DCTPP1: variants seen among roughly 807,000 people sequenced by gnomAD.
The protein encoded by DCTPP1 is dCTP pyrophosphatase 1, also known as XTP3-transactivated gene A protein.
Under a neutral mutation model 8.8 loss-of-function variants are expected in DCTPP1, and 8 were observed. The observed-to-expected ratio is 0.91, with a 90% CI of 0.54 to 1.64. The LOEUF is 1.64. Among genes scored for constraint, DCTPP1 ranks in the 40% most tolerant of loss-of-function variants. The pLI, the probability that DCTPP1 is intolerant of heterozygous loss-of-function variation, is 0.00. For missense variants in DCTPP1, 231 were observed against 230.4 expected, an observed-to-expected ratio of 1.00 and a Z score of -0.02; for synonymous variants, 85 against 92.1, an observed-to-expected ratio of 0.92 and a Z score of 0.44.
intron 2 of DCTPP1, among the ~76,000 whole-genome samples, chr16:30,427,750 C>T (rs980027145): frequency 2.0e-5 from 3 of 152,122 alleles, no homozygotes; most frequent in Admixed American, 1.3e-4. Context: ...CCCAGTGCTG[C>T]GGGATGGTGA....
intron 1 of DCTPP1, 50 bp from the exon 2 acceptor site, chr16:30,429,217 A>T (rs2050210943): frequency 6.2e-7 from 1 of 1,601,692 alleles, no homozygotes; most frequent in East Asian, 2.2e-5. Context: ...TTAGAGGGTG[A>T]TGCAGGGGCC....
rs184895596 is a variant in DCTPP1 at position 30,429,432 on chromosome 16, C to G, written c.102-265G>C. On this transcript the variant is annotated intron_variant, in intron 1 of 2. Coordinates refer to ENST00000319285, the MANE Select transcript of DCTPP1 (RefSeq NM_024096.2). ...ATTATTCCATCTCCTGCTGCTACTT[C>G]TGCAGTTTCCTCCACCTGGAATCGC... 1.8e-3 allele frequency: 795 copies of G among 442,966 alleles called. 1 individual carries two copies. The highest frequency in any genetic ancestry group is 2.5e-3 in the Non-Finnish European group (615 of 250,682). 27.4% of individuals were successfully genotyped at this position (442,966 alleles called of 1,614,324 possible).
At position 30,424,191 on chromosome 16, in the gene DCTPP1, C is replaced by T. The variant is rs1345211538; in HGVS notation, c.*42G>A. 2 of 1,602,948 alleles carry T rather than the reference C, an allele frequency of 1.2e-6. No homozygotes were observed. Among genetic ancestry groups the T allele is most frequent in the African/African-American group, 1.3e-5 (1 of 74,816 alleles). On this transcript the variant is annotated 3_prime_UTR_variant, in exon 3 of 3. Transcript: ENST00000319285. ...CTCCAGGGCCAGGCCACTCTCTGCT[C>T]TTCAGACACCACCCTGAGTTGCAAG...
At chr16:30,427,768 G>C (rs192178987) in intron 2 of DCTPP1, among the ~76,000 whole-genome samples, 2 of 152,324 alleles carry the variant, frequency 1.3e-5, no homozygotes, top group East Asian at 1.9e-4. Context: ...TGAGGCAAGT[G>C]AATCACTTGA....
At chr16:30,429,205 G>C (rs1306456050) in intron 1 of DCTPP1, 38 bp from the exon 2 acceptor site, 2 of 1,609,384 alleles carry the variant, frequency 1.2e-6, no homozygotes, top group African/African-American at 2.7e-5. Flanking sequence ...CAAGTCTCCG[G>C]GTTAGAGGGT....
chr16:30,425,866 T>A (rs188169776), intron 2 of DCTPP1, among the ~76,000 whole-genome samples: 2 of 152,250 alleles, frequency 1.3e-5, no homozygotes, highest in African/African-American at 4.8e-5. Context: ...ATTGTATTTT[T>A]CCCCTTCTCT....
chr16:30,429,603 G>A (rs1165448870), intron 1 of DCTPP1: 2 of 469,680 alleles, frequency 4.3e-6, no homozygotes, highest in African/African-American at 2.0e-5. Flanking sequence ...GGCGCCTGGA[G>A]AGCAGAGGCG....
At chr16:30,427,166 C>A (rs576739275) in intron 2 of DCTPP1, among the ~76,000 whole-genome samples, 1 of 145,186 alleles carries the variant, frequency 6.9e-6, no homozygotes, top group South Asian at 2.2e-4. Flanking sequence ...CCCGCCACCA[C>A]GCCCGGCTAA....
chr16:30,426,817 A>G (rs12165013), intron 2 of DCTPP1, among the ~76,000 whole-genome samples: 99,991 of 151,404 alleles, frequency 0.66, 33,432 homozygotes, highest in East Asian at 0.92. Context: ...CTCCTGCCTC[A>G]GCCTCACGAG....
intron 2 of DCTPP1, among the ~76,000 whole-genome samples, chr16:30,426,093 A>G (rs2050190782): frequency 6.6e-6 from 1 of 151,870 alleles, no homozygotes; most frequent in East Asian, 1.9e-4. Flanking sequence ...CCCATCCCCC[A>G]TCATTCCCAG....
At chr16:30,426,327 C>T (rs542476859) in intron 2 of DCTPP1, among the ~76,000 whole-genome samples, 1 of 151,122 alleles carries the variant, frequency 6.6e-6, no homozygotes, top group East Asian at 2.0e-4. Flanking sequence ...AGGCGCCTGC[C>T]ACCACACCCA....
rs1296228600 is a variant in DCTPP1 at position 30,424,289 on chromosome 16, G to C, written c.457C>G (p.Gln153Glu). 1.2e-6 allele frequency: 2 copies of C among 1,614,226 alleles called. No individual in the cohort carries two copies. Among genetic ancestry groups the C allele is most frequent in the Admixed American group, 3.3e-5 (2 of 60,024 alleles). The change falls in exon 3 of 3, where the codon CAG (glutamine) becomes GAG (glutamate). Residue 153 changes from glutamine to glutamate, a missense_variant. Physicochemically the swap from Gln to Glu is conservative, Grantham distance 29. Transcript: ENST00000319285. ...ELPHGAISEDQAVGPADIPCD... is the reference protein window; with the variant it reads ...ELPHGAISEDEAVGPADIPCD... ...GGAATGTCCGCAGGCCCCACAGCCT[G>C]GTCTTCAGAGATGGCCCCATGGGGC...
chr16:30,427,533 T>A (rs1267537270), intron 2 of DCTPP1, among the ~76,000 whole-genome samples: 1 of 152,198 alleles, frequency 6.6e-6, no homozygotes, highest in East Asian at 1.9e-4. Flanking sequence ...GACTGGGTCA[T>A]CACCTTGTGT....
chr16:30,429,025 A>G, intron 2 of DCTPP1, 32 bp downstream of exon 2: 2 of 1,597,148 alleles, frequency 1.3e-6, no homozygotes, highest in Non-Finnish European at 8.5e-7. Flanking sequence ...CCCACAACTC[A>G]GACTCTACCA....
intron 1 of DCTPP1, 97 bp downstream of exon 1, chr16:30,429,783 G>GC (rs936129333): frequency 1.1e-5 from 14 of 1,251,606 alleles, no homozygotes; most frequent in Non-Finnish European, 1.5e-5. Context: ...CCCGAGCCCC[G>GC]CTGCCAGCCC....
intron 2 of DCTPP1, among the ~76,000 whole-genome samples, chr16:30,427,167 G>A (rs1191045015): frequency 6.6e-6 from 1 of 150,678 alleles, no homozygotes; most frequent in African/African-American, 2.4e-5. Flanking sequence ...CCGCCACCAC[G>A]CCCGGCTAAT....
chr16:30,428,792 CAAAAGAAGGGA>C (rs1378989288), intron 2 of DCTPP1: 2 of 416,744 alleles, frequency 4.8e-6, no homozygotes, highest in Non-Finnish European at 8.5e-6. Context: ...AAACAAAAAA[CAAAAGAAGGGA>C]AAAGGGTTGT....
intron 2 of DCTPP1, among the ~76,000 whole-genome samples, chr16:30,426,468 C>A (rs1274750889): frequency 7.4e-6 from 1 of 134,500 alleles, no homozygotes; most frequent in Non-Finnish European, 1.6e-5. Flanking sequence ...AGCCACAGCA[C>A]CTGGCCGGTT....
Position 30,427,170 on chromosome 16 carries a change from C to A in DCTPP1, c.212+1887G>T, listed in dbSNP as rs544238730. Among the ~76,000 whole-genome samples the A allele has an allele frequency of 4.3e-4, 62 of 142,884 alleles. 1 individual carries two copies. The highest frequency in any genetic ancestry group is 1.5e-3 in the African/African-American group (59 of 38,252). 93.7% of individuals were successfully genotyped at this position (142,884 alleles called of 152,430 possible). Reference sequence around the variant, plus strand: ...GACTACAGGCGCCCGCCACCACGCCCGGCTAATTTTTTTGTATTTTTAGTA... The same window carrying A: ...GACTACAGGCGCCCGCCACCACGCCAGGCTAATTTTTTTGTATTTTTAGTA... On this transcript the variant is annotated intron_variant, in intron 2 of 2. Transcript: ENST00000319285.
Sources: allele counts gnomAD v4.1 joint callset (sites outside exome capture counted in the v4.1 genomes callset), GRCh38; gene constraint gnomAD v4.1.1; transcripts MANE v1.5; gene names NCBI Gene and HGNC (gene_info 2026-07-23, HGNC 2026-07-21).